The following BSX variants were observed in gnomAD, a reference collection of about 807,000 sequenced individuals.
BSX encodes the protein brain-specific homeobox protein homolog.
A neutral mutation model predicts 16.9 loss-of-function variants in BSX; 12 were observed. The observed-to-expected ratio is 0.71, with a 90% CI of 0.46 to 1.15. The LOEUF is 1.15. BSX is among the 50% of genes most tolerant of loss of function. The pLI is 0.00. For missense variants in BSX, 292 were observed against 311.8 expected (o/e 0.94, Z 0.48); for synonymous variants, 160 against 136.4 (o/e 1.17, Z -1.20).
chr11:122,978,728 G>C (rs1343818091), intron 2 of BSX, among the ~76,000 whole-genome samples: 1 of 149,754 alleles, frequency 6.7e-6, no homozygotes, highest in Non-Finnish European at 1.5e-5. Flanking sequence ...CCCCGCTCGA[G>C]AAATTTTGCT....
At position 122,979,421 on chromosome 11, in the gene BSX, T is replaced by A. The variant is rs1864540466; in HGVS notation, c.299A>T (p.His100Leu). The change falls in exon 2 of 3, where the codon CAC becomes CTC. Residue 100 changes from histidine (H) to leucine (L), a missense_variant. Physicochemically the swap from His to Leu is moderately conservative, Grantham distance 99 (BLOSUM62 -3). This residue lies in a region of BSX where 176 missense variants were observed against 187.2 expected (regional missense o/e 0.94). Coordinates refer to ENST00000343035, the MANE Select transcript of BSX (RefSeq NM_001098169.2). ...PVPALFPHPQ[H>L]AELPGKHCRR... ...GCAGTGCTTCCCCGGCAGCTCCGCG[T>A]GCTGCGGGTGCGGGAACAGCGCTGG... 3.1e-6 allele frequency: 5 copies of A among 1,613,426 alleles called. No individual in the cohort carries two copies. The highest frequency in any genetic ancestry group is 4.2e-6 in the Non-Finnish European group (5 of 1,179,864).
rs1565347606 is a variant in BSX at position 122,977,913 on chromosome 11, TA to T, written c.460-23del. 6.2e-7 allele frequency: 1 copy of T among 1,611,718 alleles called. No individual in the cohort carries two copies. The highest frequency in any genetic ancestry group is 1.1e-5 in the South Asian group (1 of 91,036). ...TCACCTGATTTCGGGGAGATAAAAA[TA>T]AAATCATGTCATTCCTCCAAATCTG... On this transcript the variant is annotated intron_variant, in intron 2 of 2. Transcript: ENST00000343035. This position sits in a 1 kb window ranked among gnomAD's most constrained non-coding sequence, Gnocchi z 4.5.
chr11:122,981,775 G>A lies in BSX; in HGVS notation c.-104C>T. On this transcript the variant is annotated 5_prime_UTR_variant, in exon 1 of 3. Transcript: ENST00000343035. Reference sequence around the variant, plus strand: ...AGCCGGCAACCACCCTCCGAGGCTCGAATCTCCGCTGCTCTCTCCCGGGCC... The same window carrying A: ...AGCCGGCAACCACCCTCCGAGGCTCAAATCTCCGCTGCTCTCTCCCGGGCC... 1 of 1,207,280 alleles carries A rather than the reference G, an allele frequency of 8.3e-7. No individual in the cohort carries two copies. Among genetic ancestry groups the A allele is most frequent in the Non-Finnish European group, 1.1e-6 (1 of 881,190 alleles). 74.8% of individuals were successfully genotyped at this position (1,207,280 alleles called of 1,614,324 possible). A position where few individuals can be genotyped will look rare whatever the true frequency, so the allele number is the denominator to read the frequency against.
rs1864576960 is a variant in BSX at position 122,981,783 on chromosome 11, G to T, written c.-112C>A. 2.6e-6 allele frequency: 3 copies of T among 1,154,526 alleles called. No homozygotes were observed. Among genetic ancestry groups the T allele is most frequent in the Non-Finnish European group, 3.6e-6 (3 of 835,654 alleles). 71.5% of individuals were successfully genotyped at this position (1,154,526 alleles called of 1,614,324 possible). A position where few individuals can be genotyped will look rare whatever the true frequency, so the allele number is the denominator to read the frequency against. ...ACCACCCTCCGAGGCTCGAATCTCC[G>T]CTGCTCTCTCCCGGGCCTGGGCTAC... On this transcript the variant is annotated 5_prime_UTR_variant, in exon 1 of 3. Transcript: ENST00000343035.
chr11:122,978,902 T>C (rs1591411109), intron 2 of BSX, among the ~76,000 whole-genome samples: 1 of 143,354 alleles, frequency 7.0e-6, no homozygotes, highest in Admixed American at 7.2e-5. Context: ...GCCTCCCGGG[T>C]TCAAGCGACT....
In BSX at chr11:122,981,443, C is replaced by T. The variant is rs913951255; in HGVS notation, c.229G>A (p.Asp77Asn). 1 of 1,554,326 alleles carries T rather than the reference C, an allele frequency of 6.4e-7. No homozygotes were observed. Among genetic ancestry groups the T allele is most frequent in the Non-Finnish European group, 8.7e-7 (1 of 1,146,440 alleles). Reference sequence around the variant, plus strand: ...GTGAGGAAATAAGGATGATGGTGGTCTCCCTTATGCAGAGGGTGATGGGCG... The same window carrying T: ...GTGAGGAAATAAGGATGATGGTGGTTTCCCTTATGCAGAGGGTGATGGGCG... ...PHAHHPLHKG[D>N]HHHPYFLTTS... The change falls in exon 1 of 3, where the codon GAC (aspartate) becomes AAC (asparagine). Residue 77 changes from aspartate (D) to asparagine (N), a missense_variant. Asp to Asn is a conservative substitution (Grantham distance 23, BLOSUM62 1). Transcript: ENST00000343035.
chr11:122,978,061 G>A (rs1193905076), intron 2 of BSX, among the ~76,000 whole-genome samples, 170 bp from the exon 3 acceptor site: 1 of 152,224 alleles, frequency 6.6e-6, no homozygotes, highest in East Asian at 1.9e-4. Flanking sequence ...ACAGTCTGAG[G>A]CTTTCAGGAG....
Position 122,981,410 on chromosome 11 carries a change from C to A in BSX, c.262G>T (p.Gly88Trp). The change falls in exon 1 of 3, where the codon GGG becomes TGG. Residue 88 changes from glycine to tryptophan, a missense_variant and splice_region_variant. Gly to Trp is a radical substitution (Grantham distance 184, BLOSUM62 -2). Transcript: ENST00000343035. ...ATACCTTGAGGTTCCTGTTACTTAC[C>A]CGAGGTGGTGAGGAAATAAGGATGA... The part of the protein sequence containing the change: ...HHHPYFLTTS[G>W]MPVPALFPHP... The A allele has an allele frequency of 6.6e-7, 1 of 1,523,250 alleles. No homozygotes were observed. The highest frequency in any genetic ancestry group is 8.9e-7 in the Non-Finnish European group (1 of 1,128,754). 94.4% of individuals were successfully genotyped at this position (1,523,250 alleles called of 1,614,324 possible). A position where few individuals can be genotyped will look rare whatever the true frequency, so the allele number is the denominator to read the frequency against.
At position 122,981,772 on chromosome 11, in the gene BSX, C is replaced by G; in HGVS notation, c.-101G>C. On this transcript the variant is annotated 5_prime_UTR_variant, in exon 1 of 3. Coordinates refer to ENST00000343035, the MANE Select transcript of BSX (RefSeq NM_001098169.2). The stretch of plus-strand genomic sequence containing the variant: ...GAAAGCCGGCAACCACCCTCCGAGG[C>G]TCGAATCTCCGCTGCTCTCTCCCGG... 1 of 1,232,274 alleles carries G rather than the reference C, an allele frequency of 8.1e-7. No individual in the cohort carries two copies. The allele number at this position is 1,232,274 out of a possible 1,614,324, so 76.3% of individuals were successfully genotyped here.
Position 122,981,640 on chromosome 11 carries a change from G to T in BSX, c.32C>A (p.Pro11Gln), listed in dbSNP as rs768854926. 6.3e-7 allele frequency: 1 copy of T among 1,595,552 alleles called. No individual in the cohort carries two copies. Among genetic ancestry groups the T allele is most frequent in the Non-Finnish European group, 8.5e-7 (1 of 1,171,594 alleles). ...GGATGTGGGCCTCTGAGAAGACGCCGGGTGTAGAGGAGAGGTGAAGTTGAG... is the reference window on the plus strand; with the variant it reads ...GGATGTGGGCCTCTGAGAAGACGCCTGGTGTAGAGGAGAGGTGAAGTTGAG... MNLNFTSPLHPASSQRPTSFF... is the reference protein window; with the variant it reads MNLNFTSPLHQASSQRPTSFF... The change falls in exon 1 of 3, where the codon CCG (proline) becomes CAG (glutamine). Residue 11 changes from proline (P) to glutamine (Q), a missense_variant. Physicochemically the swap from Pro to Gln is moderately conservative, Grantham distance 76. This residue lies in a region of BSX where 176 missense variants were observed against 187.2 expected (regional missense o/e 0.94). Transcript: ENST00000343035.
At position 122,977,964 on chromosome 11, in the gene BSX, T is replaced by C; in HGVS notation, c.460-73A>G. 1 of 1,571,966 alleles carries C rather than the reference T, an allele frequency of 6.4e-7. No homozygotes were observed. The highest frequency in any genetic ancestry group is 8.7e-7 in the Non-Finnish European group (1 of 1,154,164). ...GAGCCATCGCTGGGGTTTAGGAAAA[T>C]GGGCTGCAGTCCGTTGATGAAGTAT... On this transcript the variant is annotated intron_variant, in intron 2 of 2. Coordinates refer to ENST00000343035, the MANE Select transcript of BSX (RefSeq NM_001098169.2). The surrounding 1 kb of genome is among the most constrained non-coding windows in gnomAD (Gnocchi z 4.5).
chr11:122,977,620 C>T lies in BSX; in HGVS notation c.*29G>A, dbSNP rs1179618175. On this transcript the variant is annotated 3_prime_UTR_variant, in exon 3 of 3. Transcript: ENST00000343035. This position sits in a 1 kb window ranked among gnomAD's most constrained non-coding sequence, Gnocchi z 4.5. ...GCGCTCGGCCCCGCAGTCTCCTCCCCTGCCTACTACCCTCCCCAGCCTGGC... is the reference window on the plus strand; with the variant it reads ...GCGCTCGGCCCCGCAGTCTCCTCCCTTGCCTACTACCCTCCCCAGCCTGGC... The T allele has an allele frequency of 1.3e-6, 2 of 1,592,296 alleles. No homozygotes were observed. Among genetic ancestry groups the T allele is most frequent in the African/African-American group, 1.3e-5 (1 of 74,560 alleles).
chr11:122,981,286 G>C lies in BSX; in HGVS notation c.262+124C>G, dbSNP rs1016762542. 16 of 939,080 alleles carry C rather than the reference G, an allele frequency of 1.7e-5. No homozygotes were observed. In the African/African-American group the frequency reaches 2.7e-4, roughly 16 times the overall value. 58.2% of individuals were successfully genotyped at this position (939,080 alleles called of 1,614,324 possible). On this transcript the variant is annotated intron_variant, in intron 1 of 2. Transcript: ENST00000343035. ...ATCCTCAGCCTTCCACTGTCACTTA[G>C]GGAAAGAGGCCACCAAGCCAGGCCG...
rs1864568848 is a variant in BSX, at chr11:122,981,390, T to G, written c.262+20A>C. ...GCCCTGCTCTCTCACTGCCCATACCTTGAGGTTCCTGTTACTTACCCGAGG... is the reference window on the plus strand; with the variant it reads ...GCCCTGCTCTCTCACTGCCCATACCGTGAGGTTCCTGTTACTTACCCGAGG... On this transcript the variant is annotated intron_variant, in intron 1 of 2. Coordinates refer to ENST00000343035, the MANE Select transcript of BSX (RefSeq NM_001098169.2). The G allele has an allele frequency of 6.7e-7, 1 of 1,503,312 alleles. No homozygotes were observed. Among genetic ancestry groups the G allele is most frequent in the East Asian group, 2.4e-5 (1 of 42,114 alleles). The allele number at this position is 1,503,312 out of a possible 1,614,324, so 93.1% of individuals were successfully genotyped here.
chr11:122,981,710 G>T lies in BSX; in HGVS notation c.-39C>A. Reference sequence around the variant, plus strand: ...CCTGCCACAGGACAAGGGCCGGGACGAAGTGGAGGACGCAGGCAGAGTCTC... The same window carrying T: ...CCTGCCACAGGACAAGGGCCGGGACTAAGTGGAGGACGCAGGCAGAGTCTC... On this transcript the variant is annotated 5_prime_UTR_variant, in exon 1 of 3. Coordinates refer to ENST00000343035, the MANE Select transcript of BSX (RefSeq NM_001098169.2). 3 of 1,543,228 alleles carry T rather than the reference G, an allele frequency of 1.9e-6. No individual in the cohort carries two copies. Among genetic ancestry groups the T allele is most frequent in the Non-Finnish European group, 2.6e-6 (3 of 1,146,258 alleles).
intron 2 of BSX, 151 bp downstream of exon 2, chr11:122,979,110 A>T: frequency 1.3e-6 from 1 of 780,386 alleles, no homozygotes; most frequent in Non-Finnish European, 2.0e-6. Flanking sequence ...GGCCAGGTGT[A>T]GGTAATTTTA....
intron 1 of BSX, among the ~76,000 whole-genome samples, chr11:122,980,821 A>C (rs1161539099): frequency 6.6e-6 from 1 of 152,140 alleles, no homozygotes; most frequent in East Asian, 1.9e-4. Context: ...GATGTTGAGG[A>C]TGCGGAGGGT....
Position 122,981,638 on chromosome 11 carries a change from C to G in BSX, c.34G>C (p.Ala12Pro). 1 of 1,595,854 alleles carries G rather than the reference C, an allele frequency of 6.3e-7. No individual in the cohort carries two copies. Among genetic ancestry groups the G allele is most frequent in the Non-Finnish European group, 8.5e-7 (1 of 1,171,706 alleles). ...AAGGATGTGGGCCTCTGAGAAGACG[C>G]CGGGTGTAGAGGAGAGGTGAAGTTG... ...NLNFTSPLHP[A>P]SSQRPTSFFI... Residue 12 changes from alanine (A) to proline (P), a missense_variant, in exon 1 of 3, where the codon GCG becomes CCG. Physicochemically the swap from Ala to Pro is conservative, Grantham distance 27 (BLOSUM62 -1). This residue lies in a region of BSX where 176 missense variants were observed against 187.2 expected (regional missense o/e 0.94). Transcript: ENST00000343035.
intron 2 of BSX, among the ~76,000 whole-genome samples, chr11:122,978,795 C>CTTTTTTTTTTTTTTTTTTTTTTTT (rs35567142): frequency 1.5e-5 from 1 of 64,776 alleles, no homozygotes; most frequent in African/African-American, 5.5e-5. Context: ...TTTTTCTTTT[C>CTTTTTTTTTTTTTTTTTTTTTTTT]TTTTTTTTTT....
Sources: allele counts gnomAD v4.1 joint callset (sites outside exome capture counted in the v4.1 genomes callset), GRCh38; gene constraint gnomAD v4.1.1; regional missense constraint gnomAD v4.1.1; non-coding constraint Gnocchi (gnomAD v3.1); transcripts MANE v1.5; gene names NCBI Gene and HGNC (gene_info 2026-07-23, HGNC 2026-07-21).